Variants in TTLL11 observed in about 807,000 individuals in gnomAD.
TTLL11 encodes the protein tubulin tyrosine ligase like 11.
Under a neutral mutation model 51.7 loss-of-function variants are expected in TTLL11, and 42 were observed. The observed-to-expected ratio is 0.81, with a 90% confidence interval of 0.64 to 1.05. TTLL11 has a LOEUF of 1.05. Among genes scored for constraint, TTLL11 ranks in the 50% least tolerant of loss-of-function variants. The probability of loss-of-function intolerance (pLI) is 0.00; values close to 1 mark genes in which losing one functional copy is unlikely to be tolerated. For synonymous variants in TTLL11, 381 were observed against 383.5 expected (o/e 0.99, Z 0.08); for missense variants, 799 against 940.4 (o/e 0.85, Z 1.97).
intron 3 of TTLL11, among the ~76,000 whole-genome samples, chr9:122,006,477 T>C (rs1027046892): frequency 2.0e-5 from 3 of 152,128 alleles, no homozygotes; most frequent in Non-Finnish European, 4.4e-5. Context: ...GAGTCACTCA[T>C]ACAACACCCA....
chr9:121,900,629 C>G (rs566444209), intron 6 of TTLL11, among the ~76,000 whole-genome samples: 41 of 152,202 alleles, frequency 2.7e-4, no homozygotes, highest in African/African-American at 8.7e-4. Flanking sequence ...GATGTATGAC[C>G]TTCTTATTCT....
intron 1 of TTLL11, among the ~76,000 whole-genome samples, chr9:122,079,507 C>T (rs891004006): frequency 1.1e-4 from 17 of 151,408 alleles, no homozygotes; most frequent in Non-Finnish European, 1.8e-4. Context: ...GTCAAGAGAT[C>T]GAGACCATTC....
Position 121,983,465 on chromosome 9 carries a change from C to G in TTLL11, c.1269+5730G>C, listed in dbSNP as rs147242855. Among the ~76,000 whole-genome samples the G allele has an allele frequency of 2.0e-5, 3 of 152,272 alleles. No individual in the cohort carries two copies. In the East Asian group the frequency reaches 5.8e-4, roughly 29 times the overall value. On this transcript the variant is annotated intron_variant, in intron 4 of 8. Coordinates refer to ENST00000321582, the MANE Select transcript of TTLL11 (RefSeq NM_001139442.2). Reference sequence around the variant, plus strand: ...TAAGGCCATGGGGGCTACGCGGGATCATTTAGGAGTGATTGTGAATAGGGG... The same window carrying G: ...TAAGGCCATGGGGGCTACGCGGGATGATTTAGGAGTGATTGTGAATAGGGG...
chr9:121,940,163 A>G (rs1256361003), intron 6 of TTLL11, among the ~76,000 whole-genome samples: 1 of 152,178 alleles, frequency 6.6e-6, no homozygotes, highest in Non-Finnish European at 1.5e-5. Flanking sequence ...TTACAAGCAA[A>G]GGGCTTGTAA....
intron 1 of TTLL11, among the ~76,000 whole-genome samples, chr9:122,082,410 G>A (rs967600926): frequency 1.3e-5 from 2 of 149,398 alleles, no homozygotes; most frequent in African/African-American, 2.5e-5. Context: ...GCTGAGGCAC[G>A]AGAATTGCTT....
chr9:122,030,776 C>CAAAAAAAA (rs35456581), intron 3 of TTLL11, among the ~76,000 whole-genome samples: 21 of 69,300 alleles, frequency 3.0e-4, no homozygotes, highest in East Asian at 1.3e-3. Context: ...ACAAAAAATA[C>CAAAAAAAA]AAAAAAAAAA....
rs1170941798 is a variant in TTLL11, at chr9:121,821,663, G to C, written c.*924C>G. On this transcript the variant is annotated 3_prime_UTR_variant, in exon 9 of 9. Coordinates refer to ENST00000321582, the MANE Select transcript of TTLL11 (RefSeq NM_001139442.2). The surrounding 1 kb of genome is among the most constrained non-coding windows in gnomAD (Gnocchi z 5.0). Reference sequence around the variant, plus strand: ...AAGGGTCTCATGGAAGACAGTGTGAGCTCCCCTGACCCTGGCACCAGGTCT... The same window carrying C: ...AAGGGTCTCATGGAAGACAGTGTGACCTCCCCTGACCCTGGCACCAGGTCT... 6.6e-6 allele frequency among the ~76,000 whole-genome samples: 1 copy of C among 152,112 alleles called. No individual in the cohort carries two copies. The highest frequency in any genetic ancestry group is 2.4e-5 in the African/African-American group (1 of 41,420).
intron 8 of TTLL11, among the ~76,000 whole-genome samples, chr9:121,859,458 G>A (rs1837936627): frequency 6.6e-6 from 1 of 152,102 alleles, no homozygotes; most frequent in South Asian, 2.1e-4. Flanking sequence ...CTGAGATCGT[G>A]CCACTGCAAC....
At chr9:121,873,226 T>C (rs900815281) in intron 6 of TTLL11, among the ~76,000 whole-genome samples, 2 of 152,180 alleles carry the variant, frequency 1.3e-5, no homozygotes, top group African/African-American at 4.8e-5. Flanking sequence ...CTTTGCACAG[T>C]AGACTGTTAT....
rs946144944 is a variant in TTLL11 at position 121,935,758 on chromosome 9, T to C, written c.1481+38251A>G. ...ATTGAGAGATCTTTAGGAGTTGAAC[T>C]CAAGAGGGCTCATTGAGAATTCATG... On this transcript the variant is annotated intron_variant, in intron 6 of 8. Transcript: ENST00000321582. 3.3e-5 allele frequency among the ~76,000 whole-genome samples: 5 copies of C among 152,270 alleles called. No individual in the cohort carries two copies. The South Asian group carries it at 1.0e-3, about 32-fold the overall frequency.
chr9:121,832,488 C>T (rs1837049183), intron 8 of TTLL11, among the ~76,000 whole-genome samples: 1 of 152,086 alleles, frequency 6.6e-6, no homozygotes, highest in African/African-American at 2.4e-5. Flanking sequence ...TTGTGGGGTG[C>T]CTTCACATTA....
At chr9:121,823,095 A>G (rs1385630596) in intron 8 of TTLL11, among the ~76,000 whole-genome samples, 1 of 152,218 alleles carries the variant, frequency 6.6e-6, no homozygotes, top group Non-Finnish European at 1.5e-5. Flanking sequence ...TGCAGACCAA[A>G]TCTCTCACAC....
intron 1 of TTLL11, among the ~76,000 whole-genome samples, chr9:122,056,613 G>T (rs1044887383): frequency 6.6e-6 from 1 of 152,088 alleles, no homozygotes; most frequent in Non-Finnish European, 1.5e-5. Context: ...ATAGAACTGC[G>T]GTGATGATGG....
chr9:121,942,490 C>T (rs991852964), intron 6 of TTLL11, among the ~76,000 whole-genome samples: 3 of 152,164 alleles, frequency 2.0e-5, no homozygotes, highest in Admixed American at 6.5e-5. Flanking sequence ...CATCTTTCCT[C>T]TACTGTAACC....
chr9:122,050,114 G>A (rs970593872), intron 1 of TTLL11, among the ~76,000 whole-genome samples: 5 of 152,114 alleles, frequency 3.3e-5, no homozygotes, highest in East Asian at 1.9e-4. Context: ...CTTTGCTTCC[G>A]CAGCTCAGCT....
intron 6 of TTLL11, among the ~76,000 whole-genome samples, chr9:121,886,418 G>A (rs1243516674): frequency 1.3e-5 from 2 of 152,186 alleles, no homozygotes; most frequent in Non-Finnish European, 2.9e-5. Context: ...GAGAGAGATA[G>A]AGGGAGATTT....
intron 1 of TTLL11, among the ~76,000 whole-genome samples, chr9:122,071,481 C>G (rs933943556): frequency 1.3e-5 from 2 of 152,166 alleles, no homozygotes; most frequent in African/African-American, 4.8e-5. Flanking sequence ...TGAGATGGCC[C>G]TCTGTGGCTG....
intron 1 of TTLL11, among the ~76,000 whole-genome samples, chr9:122,058,163 G>T (rs1407429284): frequency 8.5e-5 from 13 of 152,228 alleles, no homozygotes; most frequent in Admixed American, 8.5e-4. Flanking sequence ...GGACCATGAG[G>T]AGCATGATCA....
chr9:121,940,752 C>G (rs555904386), intron 6 of TTLL11, among the ~76,000 whole-genome samples: 2 of 152,368 alleles, frequency 1.3e-5, no homozygotes, highest in African/African-American at 4.8e-5. Flanking sequence ...TTCTAGCTCA[C>G]TGCATGGTAG....
Sources: allele counts gnomAD v4.1 joint callset (sites outside exome capture counted in the v4.1 genomes callset), GRCh38; gene constraint gnomAD v4.1.1; non-coding constraint Gnocchi (gnomAD v3.1); transcripts MANE v1.5; gene names NCBI Gene and HGNC (gene_info 2026-07-23, HGNC 2026-07-21).